Variants in JAG2 observed in about 807,000 individuals in gnomAD.
JAG2 encodes jagged canonical Notch ligand 2.
Under a neutral mutation model 141.7 loss-of-function variants are expected in JAG2, and 46 were observed. The ratio of observed to expected loss-of-function variants is 0.32; its 90% CI spans 0.26 to 0.42. The LOEUF is 0.42. Ranked by LOEUF, JAG2 falls within the 10% of genes least tolerant of loss-of-function variation. The pLI, the probability that JAG2 is intolerant of heterozygous loss-of-function variation, is 1.00. For missense variants in JAG2, 1,500 were observed against 1,817.5 expected, an observed-to-expected ratio of 0.83 and a Z score of 3.18; for synonymous variants, 862 against 763.5, an observed-to-expected ratio of 1.13 and a Z score of -2.13.
In JAG2 at chr14:105,147,884, C is replaced by T. The variant is rs779661965; in HGVS notation, c.2253G>A (p.Lys751=). The T allele has an allele frequency of 1.0e-5, 16 of 1,551,644 alleles. No homozygotes were observed. The highest frequency in any genetic ancestry group is 2.2e-4 in the Middle Eastern group (1 of 4,482). ...GWKGSTCAVA[K]NSSCLPNPCV... is the part of the protein sequence containing the mutation. ...AGGGGTTGGGCAGGCAGCTGCTGTT[C>T]TTGGCTGTAAGGAGAGGAGGAGGAG... The change falls in exon 18 of 26, where the codon AAG becomes AAA. Residue 751 remains lysine (K), a synonymous_variant. Transcript: ENST00000331782.
At chr14:105,153,381 C>CCACAGACACAGAGACCCAGGCTCAGGG (rs1888492063) in intron 5 of JAG2, among the ~76,000 whole-genome samples, 1 of 152,236 alleles carries the variant, frequency 6.6e-6, no homozygotes, top group Non-Finnish European at 1.5e-5. Flanking sequence ...AATCCCTCCT[C>CCACAGACACAGAGACCCAGGCTCAGGG]CACAGACACA....
chr14:105,149,491 G>A (rs1888345024), intron 12 of JAG2, among the ~76,000 whole-genome samples, 171 bp from the exon 13 acceptor site: 1 of 151,870 alleles, frequency 6.6e-6, no homozygotes, highest in Non-Finnish European at 1.5e-5. Flanking sequence ...GACTGCCCAG[G>A]CCTTAGCTGA....
chr14:105,147,294 G>A (rs1436424779), intron 20 of JAG2, 32 bp downstream of exon 20: 5 of 1,531,656 alleles, frequency 3.3e-6, no homozygotes, highest in Non-Finnish European at 3.5e-6. Flanking sequence ...GGGCTGAGGG[G>A]CTCCCAGGGC....
Position 105,149,164 on chromosome 14 carries a change from C to G in JAG2, c.1753+6G>C. On this transcript the variant is annotated splice_donor_region_variant and intron_variant, in intron 13 of 25. Transcript: ENST00000331782. ...CTCCCCCACCACCCCATGCCGCACCCAGCACCTCTGCAGGCCCCGCCAGGG... is the reference window on the plus strand; with the variant it reads ...CTCCCCCACCACCCCATGCCGCACCGAGCACCTCTGCAGGCCCCGCCAGGG... 1 of 1,609,818 alleles carries G rather than the reference C, an allele frequency of 6.2e-7. No homozygotes were observed. The highest frequency in any genetic ancestry group is 8.5e-7 in the Non-Finnish European group (1 of 1,179,062).
chr14:105,157,168 C>T (rs1279013443), intron 3 of JAG2, among the ~76,000 whole-genome samples: 3 of 152,188 alleles, frequency 2.0e-5, no homozygotes, highest in South Asian at 2.1e-4. Flanking sequence ...AGGCGGAGCC[C>T]GTGTCCTCTC....
intron 20 of JAG2, 30 bp downstream of exon 20, chr14:105,147,296 T>C: frequency 6.5e-7 from 1 of 1,539,428 alleles, no homozygotes. Context: ...GCTGAGGGGC[T>C]CCCAGGGCTG....
chr14:105,158,516 T>C (rs1259529025), intron 2 of JAG2, among the ~76,000 whole-genome samples: 1 of 152,132 alleles, frequency 6.6e-6, no homozygotes, highest in African/African-American at 2.4e-5. Flanking sequence ...CGACAGGCGA[T>C]GCTGTCAGCC....
intron 2 of JAG2, among the ~76,000 whole-genome samples, chr14:105,160,863 C>CA (rs774746168): frequency 0.085 from 6,787 of 79,482 alleles, 558 homozygotes; most frequent in African/African-American, 0.25. Context: ...AACTCCATCT[C>CA]AAAAAAAAAA....
chr14:105,152,396 G>A (rs1013759540), intron 5 of JAG2, 105 bp from the exon 6 acceptor site: 103 of 1,360,254 alleles, frequency 7.6e-5, no homozygotes, highest in Non-Finnish European at 9.4e-5. Flanking sequence ...GCCGGCGGGC[G>A]GCCTCAGGCC....
rs375710340 is a variant in JAG2, at chr14:105,151,414, A to G, written c.1154-18T>C. The stretch of plus-strand genomic sequence containing the variant: ...ATCGATGTCTGCAGAGGGTGGAGAA[A>G]GGTGGGGCCCTGGCAGTGTGAGCCG... On this transcript the variant is annotated intron_variant, in intron 8 of 25. Coordinates refer to ENST00000331782, the MANE Select transcript of JAG2 (RefSeq NM_002226.5). 1 of 1,603,606 alleles carries G rather than the reference A, an allele frequency of 6.2e-7. No individual in the cohort carries two copies. The highest frequency in any genetic ancestry group is 8.5e-7 in the Non-Finnish European group (1 of 1,175,188).
At position 105,168,374 on chromosome 14, in the gene JAG2, A is replaced by G; in HGVS notation, c.47T>C (p.Leu16Pro). 9.9e-7 allele frequency: 1 copy of G among 1,012,516 alleles called. No homozygotes were observed. Among genetic ancestry groups the G allele is most frequent in the Admixed American group, 4.0e-5 (1 of 25,032 alleles). The allele number at this position is 1,012,516 out of a possible 1,614,324, so 62.7% of individuals were successfully genotyped here. The change falls in exon 1 of 26, where the codon CTG (leucine) becomes CCG (proline). Residue 16 changes from leucine (L) to proline (P), a missense_variant. Coordinates refer to ENST00000331782, the MANE Select transcript of JAG2 (RefSeq NM_002226.5). The part of the protein sequence containing the change: ...RGRLPRRLLL[L>P]LALWVQAARP... ...GCTCACCTGCACCCAGAGCGCCAGC[A>G]GCAGCAGCAGCCGCCGGGGAAGGCG... is the stretch of plus-strand genomic sequence containing the variant.
At chr14:105,162,370 G>C (rs587751805) in intron 2 of JAG2, among the ~76,000 whole-genome samples, 1 of 146,212 alleles carries the variant, frequency 6.8e-6, no homozygotes, top group South Asian at 2.2e-4. Context: ...TCAAGGCTAA[G>C]TCTAAACCCC....
rs1888133433 is a variant in JAG2 at position 105,143,652 on chromosome 14, C to T, written c.3085-14G>A. On this transcript the variant is annotated splice_polypyrimidine_tract_variant and intron_variant, in intron 24 of 25. Transcript: ENST00000331782. ...AGGGCTGAAGGACTGCGGCAAAGAA[C>T]GGCATTGTGGGGATGGCTCGAGGGC... 3 of 1,605,530 alleles carry T rather than the reference C, an allele frequency of 1.9e-6. No individual in the cohort carries two copies. The highest frequency in any genetic ancestry group is 2.2e-5 in the South Asian group (2 of 90,610).
At position 105,150,646 on chromosome 14, in the gene JAG2, G is replaced by T. The variant is rs909935223; in HGVS notation, c.1560C>A (p.Phe520Leu). ...AGAAGCCCTGGGGGCAGTGGCAGTGGAAGCCGTCGGCCAGGTCCTCGCAGA... is the reference window on the plus strand; with the variant it reads ...AGAAGCCCTGGGGGCAGTGGCAGTGTAAGCCGTCGGCCAGGTCCTCGCAGA... ...GGLCEDLADG[F>L]HCHCPQGFSG... Residue 520 changes from phenylalanine (F) to leucine (L), a missense_variant, in exon 12 of 26, where the codon TTC becomes TTA. Around this residue, in one of 3 missense-constraint regions of JAG2, gnomAD observed 875 missense variants for 1,202.2 expected, o/e 0.73. Coordinates refer to ENST00000331782, the MANE Select transcript of JAG2 (RefSeq NM_002226.5). 6.5e-7 allele frequency: 1 copy of T among 1,549,756 alleles called. No individual in the cohort carries two copies. The highest frequency in any genetic ancestry group is 8.7e-7 in the Non-Finnish European group (1 of 1,146,660).
At chr14:105,168,155 G>T in intron 1 of JAG2, 48 bp from the exon 2 acceptor site, 1 of 1,415,560 alleles carries the variant, frequency 7.1e-7, no homozygotes, top group Non-Finnish European at 9.2e-7. Flanking sequence ...GGCCGGGGTC[G>T]GCGGGCCGGG....
rs956727827 is a variant in JAG2, at chr14:105,167,223, G to A, written c.417+534C>T. On this transcript the variant is annotated intron_variant, in intron 2 of 25. Coordinates refer to ENST00000331782, the MANE Select transcript of JAG2 (RefSeq NM_002226.5). The surrounding 1 kb of genome is among the most constrained non-coding windows in gnomAD (Gnocchi z 4.8). ...CTATCTCTGTCTCTGAACGATCTTG[G>A]GTCACCATCGGGGGCTTCTGCCGAC... 2.2e-4 allele frequency among the ~76,000 whole-genome samples: 34 copies of A among 152,214 alleles called. No individual in the cohort carries two copies. Among genetic ancestry groups the A allele is most frequent in the African/African-American group, 8.2e-4 (34 of 41,466 alleles).
At chr14:105,146,123 A>ACCCAGGGCT (rs1888215703) in intron 22 of JAG2, 150 bp from the exon 23 acceptor site, 1 of 1,337,820 alleles carries the variant, frequency 7.5e-7, no homozygotes, top group African/African-American at 1.5e-5. Flanking sequence ...CCCACCCCCT[A>ACCCAGGGCT]CCCAGGGCTC....
chr14:105,162,257 C>A (rs1888769421), intron 2 of JAG2, among the ~76,000 whole-genome samples: 2 of 152,060 alleles, frequency 1.3e-5, no homozygotes, highest in South Asian at 4.1e-4. Context: ...CCCAGCTAAG[C>A]CTCTCCCTAC....
At chr14:105,145,629 C>T in intron 23 of JAG2, 102 bp downstream of exon 23, 1 of 1,458,504 alleles carries the variant, frequency 6.9e-7, no homozygotes, top group Non-Finnish European at 9.3e-7. Flanking sequence ...CTCTGCTCAG[C>T]CAACCAGGGC....
Sources: allele counts gnomAD v4.1 joint callset (sites outside exome capture counted in the v4.1 genomes callset), GRCh38; gene constraint gnomAD v4.1.1; regional missense constraint gnomAD v4.1.1; non-coding constraint Gnocchi (gnomAD v3.1); transcripts MANE v1.5; gene names NCBI Gene and HGNC (gene_info 2026-07-23, HGNC 2026-07-21).